Variants in PTPRM observed in about 807,000 individuals in gnomAD.
PTPRM encodes the protein protein tyrosine phosphatase receptor type M.
Under a neutral mutation model 186.7 loss-of-function variants are expected in PTPRM, and 47 were observed. That is an observed-to-expected ratio of 0.25 (90% CI 0.20 to 0.32). The LOEUF is 0.32. PTPRM is among the 10% of genes least tolerant of loss of function. The pLI is 1.00. For missense variants in PTPRM, 1,494 were observed against 1,865.0 expected (o/e 0.80, Z 3.66); for synonymous variants, 668 against 674.9 (o/e 0.99, Z 0.16).
chr18:8,048,332 G>T (rs1048416080), intron 7 of PTPRM, among the ~76,000 whole-genome samples: 1 of 151,796 alleles, frequency 6.6e-6, no homozygotes, highest in Non-Finnish European at 1.5e-5. Flanking sequence ...TTTCAAGTTA[G>T]AACCTGTATT....
intron 9 of PTPRM, among the ~76,000 whole-genome samples, chr18:8,081,796 C>T (rs2090143014): frequency 6.6e-6 from 1 of 152,078 alleles, no homozygotes. Context: ...TATACATGCC[C>T]AACATATTTG....
At chr18:7,957,050 A>T (rs1031821067) in intron 7 of PTPRM, among the ~76,000 whole-genome samples, 2 of 152,148 alleles carry the variant, frequency 1.3e-5, no homozygotes, top group Non-Finnish European at 2.9e-5. Flanking sequence ...GCATGGCAAT[A>T]TATGGTTTCT....
intron 1 of PTPRM, among the ~76,000 whole-genome samples, chr18:7,681,596 A>C (rs976651485): frequency 3.9e-5 from 6 of 151,972 alleles, no homozygotes; most frequent in East Asian, 1.9e-4. Flanking sequence ...AAAAAAAAAA[A>C]CAAAAAACCC....
intron 2 of PTPRM, among the ~76,000 whole-genome samples, chr18:7,844,181 A>G (rs1190932353): frequency 6.6e-6 from 1 of 152,210 alleles, no homozygotes; most frequent in East Asian, 1.9e-4. Context: ...ACTTTTTAAG[A>G]AGAGCATGTG....
chr18:8,240,641 GA>G (rs2094413145), intron 14 of PTPRM, among the ~76,000 whole-genome samples: 1 of 70,142 alleles, frequency 1.4e-5, no homozygotes, highest in African/African-American at 5.2e-5. Context: ...GAGAGAGAGA[GA>G]GAGAGAGAGA....
At chr18:7,966,127 T>G (rs1187546573) in intron 7 of PTPRM, among the ~76,000 whole-genome samples, 2 of 152,172 alleles carry the variant, frequency 1.3e-5, no homozygotes, top group Non-Finnish European at 2.9e-5. Flanking sequence ...TAATTACCTA[T>G]TAGAATAAAC....
rs187038014 is a variant in PTPRM, at chr18:8,266,735, C to G, written c.2754+13321C>G. 8.5e-5 allele frequency among the ~76,000 whole-genome samples: 13 copies of G among 152,164 alleles called. No homozygotes were observed. In the East Asian group the frequency reaches 2.3e-3, roughly 27 times the overall value. On this transcript the variant is annotated intron_variant, in intron 19 of 32. Transcript: ENST00000580170. ...CCAGCCTGGCCAATATGGTGAAACC[C>G]CACCTCTACTAAAAATAGCAAAATA...
chr18:7,933,178 G>A (rs2051589445), intron 5 of PTPRM, among the ~76,000 whole-genome samples: 2 of 152,128 alleles, frequency 1.3e-5, no homozygotes, highest in Admixed American at 1.3e-4. Context: ...CTTAACCATT[G>A]CCCCAAAGCA....
intron 11 of PTPRM, among the ~76,000 whole-genome samples, chr18:8,093,780 T>C (rs941055575): frequency 3.9e-5 from 6 of 152,226 alleles, no homozygotes; most frequent in African/African-American, 1.4e-4. Context: ...AACGGTCTTC[T>C]GTTTATAACC....
chr18:7,868,772 T>C (rs2047839319), intron 2 of PTPRM, among the ~76,000 whole-genome samples: 1 of 152,188 alleles, frequency 6.6e-6, no homozygotes, highest in Admixed American at 6.5e-5. Flanking sequence ...GGCAGAAACG[T>C]TTAAGTCTGC....
At chr18:7,815,582 T>C (rs553759894) in intron 2 of PTPRM, 1 of 152,220 alleles carries the variant, frequency 6.6e-6, no homozygotes, top group South Asian at 2.1e-4. Context: ...ACTAGGTAGG[T>C]TGAGGTGGAA....
At chr18:7,657,508 C>T (rs181210830) in intron 1 of PTPRM, among the ~76,000 whole-genome samples, 136 of 152,352 alleles carry the variant, frequency 8.9e-4, no homozygotes, top group African/African-American at 3.2e-3. Context: ...TCGCTCATCA[C>T]TAGTTGTTTG....
chr18:8,344,442 GTGTGTGTATATATATA>G (rs1211094187), intron 23 of PTPRM, among the ~76,000 whole-genome samples: 10 of 36,802 alleles, frequency 2.7e-4, no homozygotes, highest in Non-Finnish European at 4.4e-4. Flanking sequence ...GTGTGTGTGT[GTGTGTGTATATATATA>G]TATATATATA....
intron 8 of PTPRM, among the ~76,000 whole-genome samples, chr18:8,074,285 A>G (rs1299178365): frequency 6.6e-6 from 1 of 152,198 alleles, no homozygotes; most frequent in Non-Finnish European, 1.5e-5. Context: ...TTATTGAGAT[A>G]TGTTTGTCCA....
intron 19 of PTPRM, among the ~76,000 whole-genome samples, chr18:8,265,533 T>C (rs1033249961): frequency 5.3e-5 from 8 of 152,182 alleles, no homozygotes; most frequent in Non-Finnish European, 1.2e-4. Context: ...AAATCTTCTC[T>C]GGAAGTTGAT....
intron 14 of PTPRM, chr18:8,155,049 A>G (rs369245295): frequency 6.6e-6 from 1 of 152,244 alleles, no homozygotes; most frequent in African/African-American, 2.4e-5. Flanking sequence ...TCTACAAAAT[A>G]AATGTTTTAT....
chr18:7,860,193 C>T (rs1345975334), intron 2 of PTPRM, among the ~76,000 whole-genome samples: 1 of 152,020 alleles, frequency 6.6e-6, no homozygotes, highest in Non-Finnish European at 1.5e-5. Flanking sequence ...CTGTCTCAGC[C>T]TCCCAAGTAG....
Position 8,113,684 on chromosome 18 carries a change from T to C in PTPRM, c.2055T>C (p.Asn685=), listed in dbSNP as rs760181977. Reference sequence around the variant, plus strand: ...CAATTGGTGATAATAAGACATATAATGGATACTGGAACACTCCCCTTCTCC... The same window carrying C: ...CAATTGGTGATAATAAGACATATAACGGATACTGGAACACTCCCCTTCTCC... The part of the protein sequence containing the change: ...PFTIGDNKTY[N]GYWNTPLLPY... Residue 685 remains asparagine, a synonymous_variant, in exon 12 of 33, where the codon AAT becomes AAC. Transcript: ENST00000580170. 1.2e-5 allele frequency: 20 copies of C among 1,613,608 alleles called. No individual in the cohort carries two copies. The highest frequency in any genetic ancestry group is 1.0e-5 in the Non-Finnish European group (12 of 1,179,664).
chr18:7,585,395 C>T (rs775697974), intron 1 of PTPRM, among the ~76,000 whole-genome samples: 1 of 152,052 alleles, frequency 6.6e-6, no homozygotes, highest in Non-Finnish European at 1.5e-5. Flanking sequence ...CAGAGAGGAA[C>T]GAAGTTTGAA....
Sources: allele counts gnomAD v4.1 joint callset (sites outside exome capture counted in the v4.1 genomes callset), GRCh38; gene constraint gnomAD v4.1.1; transcripts MANE v1.5; gene names NCBI Gene and HGNC (gene_info 2026-07-23, HGNC 2026-07-21).